Variants in RNLS observed in about 807,000 individuals in gnomAD.
The protein encoded by RNLS is renalase, FAD dependent amine oxidase.
A neutral mutation model predicts 39.8 loss-of-function variants in RNLS; 39 were observed. The observed-to-expected ratio is 0.98, with a 90% CI of 0.76 to 1.28. The LOEUF (loss-of-function observed/expected upper bound fraction) is 1.28. Ranked by LOEUF, RNLS falls within the 50% of genes most tolerant of loss-of-function variation. The probability of loss-of-function intolerance (pLI) is 0.00; values close to 1 mark genes in which losing one functional copy is unlikely to be tolerated. For synonymous variants in RNLS, 147 were observed against 150.7 expected (o/e 0.98, Z 0.18); for missense variants, 410 against 413.3 (o/e 0.99, Z 0.07).
chr10:88,255,916 C>G, the RNLS span, among the ~76,000 whole-genome samples: 1 of 152,024 alleles, frequency 6.6e-6, no homozygotes, highest in Non-Finnish European at 1.5e-5. Flanking sequence ...CTCACATGCC[C>G]CTGGACATCT....
chr10:88,309,124 G>A (rs911084098), intron 6 of RNLS, among the ~76,000 whole-genome samples: 3 of 152,138 alleles, frequency 2.0e-5, no homozygotes, highest in African/African-American at 7.2e-5. Context: ...CCTATCAGAG[G>A]GTGGAGGGTA....
chr10:88,539,047 G>A (rs1483291246), intron 4 of RNLS, among the ~76,000 whole-genome samples: 1 of 152,066 alleles, frequency 6.6e-6, no homozygotes, highest in Non-Finnish European at 1.5e-5. Flanking sequence ...AACATAAACT[G>A]TAGTTTTAAG....
At chr10:88,377,249 C>G (rs1851082699) in intron 4 of RNLS, among the ~76,000 whole-genome samples, 1 of 144,086 alleles carries the variant, frequency 6.9e-6, no homozygotes, top group Non-Finnish European at 1.6e-5. Context: ...TATACACACA[C>G]ACACACACAC....
intron 4 of RNLS, among the ~76,000 whole-genome samples, chr10:88,556,038 A>G (rs1848854804): frequency 6.6e-6 from 1 of 152,140 alleles, no homozygotes; most frequent in Non-Finnish European, 1.5e-5. Flanking sequence ...TTGAATCTCT[A>G]TTAAGCAACT....
intron 4 of RNLS, among the ~76,000 whole-genome samples, chr10:88,398,592 G>A (rs1852714774): frequency 6.6e-6 from 1 of 151,858 alleles, no homozygotes; most frequent in Non-Finnish European, 1.5e-5. Flanking sequence ...TAAAAGACAT[G>A]GTTAATACAA....
the RNLS span, among the ~76,000 whole-genome samples, chr10:88,189,633 C>T: frequency 3.3e-5 from 5 of 152,200 alleles, no homozygotes; most frequent in African/African-American, 1.2e-4. Context: ...GTACTTGGTG[C>T]CTTGCACTGT....
At chr10:88,479,730 C>T (rs1404375707) in intron 4 of RNLS, among the ~76,000 whole-genome samples, 1 of 151,684 alleles carries the variant, frequency 6.6e-6, no homozygotes, top group Non-Finnish European at 1.5e-5. Flanking sequence ...TTTGAAGGAC[C>T]TATTTTCCAT....
intron 5 of RNLS, among the ~76,000 whole-genome samples, chr10:88,329,657 A>G (rs1002476157): frequency 1.3e-5 from 2 of 151,930 alleles, no homozygotes; most frequent in Non-Finnish European, 2.9e-5. Context: ...TTCTCATTCT[A>G]TCTTCACATA....
At chr10:88,422,651 GATAGAAATCCC>G (rs1428429377) in intron 4 of RNLS, among the ~76,000 whole-genome samples, 1 of 152,098 alleles carries the variant, frequency 6.6e-6, no homozygotes, top group African/African-American at 2.4e-5. Context: ...TGACAAGTTT[GATAGAAATCCC>G]ATAAAAGATA....
rs34411833 is a variant in RNLS, at chr10:88,504,844, A to AGTGTGTGTGT, written c.526+68049_526+68058dup. Among the ~76,000 whole-genome samples the AGTGTGTGTGT allele has an allele frequency of 9.5e-4, 129 of 136,246 alleles. 1 individual carries two copies. Among genetic ancestry groups the AGTGTGTGTGT allele is most frequent in the African/African-American group, 2.5e-3 (93 of 36,804 alleles). 89.4% of individuals were successfully genotyped at this position (136,246 alleles called of 152,430 possible). A position where few individuals can be genotyped will look rare whatever the true frequency, so the allele number is the denominator to read the frequency against. ...GAGCAAATTAGAGAGAGAGAGACAG[A>AGTGTGTGTGT]GTGTGTGTGTGTGTGTGTGTGTGTG... On this transcript the variant is annotated intron_variant, in intron 4 of 6. Transcript: ENST00000331772.
chr10:88,186,736 G>C, the RNLS span, among the ~76,000 whole-genome samples: 2 of 150,970 alleles, frequency 1.3e-5, no homozygotes, highest in East Asian at 1.9e-4. Flanking sequence ...ATTTCTTTAC[G>C]GTAAAAAAAA....
intron 4 of RNLS, among the ~76,000 whole-genome samples, chr10:88,459,731 T>C (rs1312254738): frequency 6.6e-6 from 1 of 152,200 alleles, no homozygotes; most frequent in African/African-American, 2.4e-5. Flanking sequence ...CTCCATTGAC[T>C]TCTTTCCAGC....
chr10:88,414,197 G>A (rs1022104596), intron 4 of RNLS, among the ~76,000 whole-genome samples: 1 of 151,096 alleles, frequency 6.6e-6, no homozygotes, highest in African/African-American at 2.4e-5. Context: ...ACCATTGCAA[G>A]AGTATAATAA....
At chr10:88,441,821 T>G (rs1240660845) in intron 4 of RNLS, among the ~76,000 whole-genome samples, 1 of 152,162 alleles carries the variant, frequency 6.6e-6, no homozygotes, top group Admixed American at 6.5e-5. Flanking sequence ...TTAATAAACA[T>G]AGAAAGGAAG....
chr10:88,497,344 A>G (rs1331600469), intron 4 of RNLS, among the ~76,000 whole-genome samples: 1 of 152,088 alleles, frequency 6.6e-6, no homozygotes, highest in Non-Finnish European at 1.5e-5. Flanking sequence ...ACCACTAGAA[A>G]GTAGGCTTCA....
intron 4 of RNLS, among the ~76,000 whole-genome samples, chr10:88,458,612 A>G (rs1023746760): frequency 3.3e-5 from 5 of 152,114 alleles, no homozygotes; most frequent in African/African-American, 9.7e-5. Flanking sequence ...CTTTTTCTAT[A>G]TAGAGGTATT....
the RNLS span, among the ~76,000 whole-genome samples, chr10:88,187,813 G>T: frequency 2.0e-4 from 30 of 152,186 alleles, no homozygotes; most frequent in African/African-American, 6.5e-4. Context: ...TCTTTTTCCC[G>T]ATTTACCTTA....
intron 4 of RNLS, among the ~76,000 whole-genome samples, chr10:88,557,192 G>T (rs1848919786): frequency 6.6e-6 from 1 of 152,122 alleles, no homozygotes; most frequent in South Asian, 2.1e-4. Flanking sequence ...GATGCAAAAA[G>T]TATCTAAAAA....
intron 4 of RNLS, among the ~76,000 whole-genome samples, chr10:88,469,694 TTC>T (rs1467589093): frequency 6.6e-6 from 1 of 152,134 alleles, no homozygotes; most frequent in African/African-American, 2.4e-5. Flanking sequence ...TCTTTTCTGT[TTC>T]TTTTTTCTTT....
Sources: gnomAD v4.1 joint callset for allele counts (sites outside exome capture counted in the v4.1 genomes callset) on GRCh38, gnomAD v4.1.1 for gene constraint, MANE v1.5 for transcripts, NCBI Gene and HGNC (gene_info 2026-07-23, HGNC 2026-07-21) for gene names.